The following ZNF112 variants were observed in gnomAD, a reference collection of about 807,000 sequenced individuals.
The protein encoded by ZNF112 is zinc finger protein 112 (Y14).
Under a neutral mutation model 77.7 loss-of-function variants are expected in ZNF112, and 37 were observed. That is an observed-to-expected ratio of 0.48 (90% CI 0.37 to 0.63). The LOEUF is 0.63. Ranked by LOEUF, ZNF112 falls within the 20% of genes least tolerant of loss-of-function variation. The pLI is 0.00. For missense variants in ZNF112, 950 were observed against 1,077.4 expected (o/e 0.88, Z 1.66); for synonymous variants, 333 against 363.6 (o/e 0.92, Z 0.96).
At chr19:44,358,671 G>T (rs142588403), upstream of ZNF112, among the ~76,000 whole-genome samples, 1 of 152,278 alleles carries the variant, frequency 6.6e-6, no homozygotes, top group African/African-American at 2.4e-5. Context: ...TTAGCAAAAT[G>T]ATACGGGATT....
At chr19:44,364,395 C>T (rs1441328031) in intron 1 of ZNF112, among the ~76,000 whole-genome samples, 2 of 152,138 alleles carry the variant, frequency 1.3e-5, no homozygotes, top group Non-Finnish European at 2.9e-5. Context: ...AGATGTTGGG[C>T]TCTTTAATAT....
At position 44,327,451 on chromosome 19, in the gene ZNF112, T is replaced by A. The variant is rs1970144982; in HGVS notation, c.2706A>T (p.Glu902Asp). 1.2e-6 allele frequency: 2 copies of A among 1,602,512 alleles called. No individual in the cohort carries two copies. The highest frequency in any genetic ancestry group is 8.5e-7 in the Non-Finnish European group (1 of 1,174,078). Reference protein sequence around the residue: ...YPSSENLHRNEDSVLF With the variant: ...YPSSENLHRNDDSVLF ...GAGGACTTCAAAACAAAACAGAATC[T>A]TCATTTCTGTGTAGATTCTCTGATG... The change falls in exon 4 of 4, where the codon GAA (glutamate) becomes GAT (aspartate). Residue 902 changes from glutamate to aspartate, a missense_variant. By Grantham distance (45) the Glu-to-Asp change is conservative. Around this residue, in one of 3 missense-constraint regions of ZNF112, gnomAD observed 373 missense variants for 482.8 expected, o/e 0.77. Transcript: ENST00000354340.
Position 44,336,729 on chromosome 19 carries a change from G to C in ZNF112, c.125-11C>G. The C allele has an allele frequency of 1.2e-6, 2 of 1,612,102 alleles. No homozygotes were observed. The highest frequency in any genetic ancestry group is 2.2e-5 in the South Asian group (2 of 91,034). ...TGAAGGGCTGATGTGCTGTAAAGAA[G>C]GAAAGGACAGCAAAAGTTTTTAAGT... On this transcript the variant is annotated splice_polypyrimidine_tract_variant and intron_variant, in intron 2 of 3. Coordinates refer to ENST00000354340, the MANE Select transcript of ZNF112 (RefSeq NM_013380.4).
intron 1 of ZNF112, among the ~76,000 whole-genome samples, chr19:44,354,464 AG>A (rs929126052): frequency 6.6e-6 from 1 of 152,180 alleles, no homozygotes; most frequent in Admixed American, 6.5e-5. Flanking sequence ...TTTGTTTCTT[AG>A]GAATTTTTTT....
chr19:44,348,971 T>C (rs1970644960), intron 1 of ZNF112, among the ~76,000 whole-genome samples: 1 of 152,100 alleles, frequency 6.6e-6, no homozygotes, highest in Admixed American at 6.6e-5. Context: ...TGCTTGTTTC[T>C]GTACAGGATG....
intron 1 of ZNF112, chr19:44,343,141 T>C (rs1160828620): frequency 8.6e-7 from 1 of 1,158,488 alleles, no homozygotes; most frequent in Non-Finnish European, 1.2e-6. Context: ...ACATAAATGA[T>C]ACTAAATGCC....
chr19:44,333,973 T>G (rs368806547), intron 3 of ZNF112, among the ~76,000 whole-genome samples: 3 of 152,162 alleles, frequency 2.0e-5, no homozygotes, highest in Admixed American at 2.0e-4. Context: ...GAGGGAAAGT[T>G]TGGAATCTCC....
intron 1 of ZNF112, among the ~76,000 whole-genome samples, chr19:44,364,526 C>T (rs1432674849): frequency 6.6e-6 from 1 of 152,120 alleles, no homozygotes; most frequent in Non-Finnish European, 1.5e-5. Context: ...TCTTCCCTCA[C>T]TTTCCAGGTC....
chr19:44,356,277 A>G (rs1489584273), intron 1 of ZNF112, among the ~76,000 whole-genome samples: 4 of 152,224 alleles, frequency 2.6e-5, no homozygotes, highest in African/African-American at 9.6e-5. Flanking sequence ...AGATACTAGT[A>G]CCATTTTAAA....
intron 1 of ZNF112, 102 bp downstream of exon 1, chr19:44,356,524 G>T (rs1970789124): frequency 6.6e-6 from 1 of 152,244 alleles, no homozygotes; most frequent in African/African-American, 2.4e-5. Context: ...GCCGCAAGTG[G>T]ATTATCCTCC....
At chr19:44,342,601 G>C (rs1220958695) in intron 1 of ZNF112, among the ~76,000 whole-genome samples, 1 of 152,068 alleles carries the variant, frequency 6.6e-6, no homozygotes, top group African/African-American at 2.4e-5. Flanking sequence ...TAGATCACGA[G>C]GTCAGGAGTT....
chr19:44,330,195 A>G (rs913689674), intron 3 of ZNF112, among the ~76,000 whole-genome samples: 6 of 152,338 alleles, frequency 3.9e-5, no homozygotes, highest in African/African-American at 1.4e-4. Context: ...TTCAAAGGAA[A>G]TACTCATTGG....
At chr19:44,351,481 TAA>T (rs1970690972) in intron 1 of ZNF112, among the ~76,000 whole-genome samples, 1 of 152,110 alleles carries the variant, frequency 6.6e-6, no homozygotes, top group Non-Finnish European at 1.5e-5. Context: ...ATAAAATACA[TAA>T]AATCTCATTA....
intron 1 of ZNF112, chr19:44,343,143 C>A: frequency 1.7e-6 from 2 of 1,209,476 alleles, no homozygotes; most frequent in South Asian, 1.6e-5. Context: ...ATAAATGATA[C>A]TAAATGCCTG....
At chr19:44,337,117 T>C (rs1370180884) in intron 2 of ZNF112, among the ~76,000 whole-genome samples, 1 of 150,844 alleles carries the variant, frequency 6.6e-6, no homozygotes, top group Non-Finnish European at 1.5e-5. Context: ...GCAATCCTCT[T>C]GCCTTGGCCT....
At chr19:44,347,506 T>TA (rs1555804142) in intron 1 of ZNF112, among the ~76,000 whole-genome samples, 19 of 100,046 alleles carry the variant, frequency 1.9e-4, no homozygotes, top group Admixed American at 7.0e-4. Flanking sequence ...TTTTTTTTTT[T>TA]ACTATTCCAT....
chr19:44,343,196 G>C (rs761509304), intron 1 of ZNF112: 18 of 1,592,902 alleles, frequency 1.1e-5, no homozygotes, highest in Non-Finnish European at 1.5e-5. Context: ...AAAAAGATAT[G>C]TCCACTCACT....
intron 2 of ZNF112, among the ~76,000 whole-genome samples, chr19:44,339,692 T>G (rs1970453308): frequency 6.6e-6 from 1 of 152,168 alleles, no homozygotes; most frequent in East Asian, 1.9e-4. Context: ...TGAAGACAAC[T>G]GCTTTCAGTG....
chr19:44,340,352 C>T, intron 2 of ZNF112, 64 bp downstream of exon 2: 2 of 1,568,244 alleles, frequency 1.3e-6, no homozygotes, highest in Non-Finnish European at 1.7e-6. Context: ...GAGTTTCTAA[C>T]AATTGAGCAC....
Sources: gnomAD v4.1 joint callset for allele counts (sites outside exome capture counted in the v4.1 genomes callset) on GRCh38, gnomAD v4.1.1 for gene constraint, gnomAD v4.1.1 regional missense constraint, MANE v1.5 for transcripts, NCBI Gene and HGNC (gene_info 2026-07-23, HGNC 2026-07-21) for gene names.